Variants in HAUS2 observed in about 807,000 individuals in gnomAD.
HAUS2 encodes HAUS augmin-like complex subunit 2.
Under a neutral mutation model 21.6 loss-of-function variants are expected in HAUS2, and 20 were observed. The ratio of observed to expected loss-of-function variants is 0.93; its 90% CI spans 0.65 to 1.35. The LOEUF (loss-of-function observed/expected upper bound fraction) is 1.35, where lower values mean the gene tolerates loss of function less well. HAUS2 is among the 40% of genes most tolerant of loss of function. HAUS2 has a pLI of 0.00. For synonymous variants in HAUS2, 113 were observed against 95.6 expected (o/e 1.18, Z -1.06); for missense variants, 297 against 280.7 (o/e 1.06, Z -0.42).
At position 42,566,803 on chromosome 15, in the gene HAUS2, T is replaced by C. The variant is rs182320221; in HGVS notation, c.695T>C (p.Ile232Thr). The C allele has an allele frequency of 7.4e-6, 11 of 1,491,670 alleles. No homozygotes were observed. In the African/African-American group the frequency reaches 8.3e-5, roughly 11 times the overall value. 92.4% of individuals were successfully genotyped at this position (1,491,670 alleles called of 1,614,324 possible). A position where few individuals can be genotyped will look rare whatever the true frequency, so the allele number is the denominator to read the frequency against. Residue 232 changes from isoleucine to threonine, a missense_variant, in exon 6 of 6, where the codon ATT becomes ACT. Ile to Thr is a moderately conservative substitution (Grantham distance 89). Transcript: ENST00000260372. ...PFTSKVHVQT[I>T]NAK ...ACTTCTAAAGTTCATGTCCAAACTA[T>C]TAATGCCAAGTAGTCATCAACTTTA...
Position 42,548,864 on chromosome 15 carries a change from G to T in HAUS2, c.-9G>T. ...CTCTTGGCGCCTTCGCGGAAGGTGC[G>T]TCCGAGCCATGGCCGCTGCCAACCC... is the stretch of plus-strand genomic sequence containing the variant. On this transcript the variant is annotated 5_prime_UTR_variant, in exon 1 of 6. Transcript: ENST00000260372. 1 of 1,546,808 alleles carries T rather than the reference G, an allele frequency of 6.5e-7. No individual in the cohort carries two copies. The highest frequency in any genetic ancestry group is 8.7e-7 in the Non-Finnish European group (1 of 1,144,708).
In HAUS2 at chr15:42,556,623, G is replaced by A. The variant is rs1270611197; in HGVS notation, c.94-1575G>A. 2.0e-5 allele frequency among the ~76,000 whole-genome samples: 3 copies of A among 152,034 alleles called. No individual in the cohort carries two copies. In the East Asian group the frequency reaches 5.8e-4, roughly 29 times the overall value. On this transcript the variant is annotated intron_variant, in intron 1 of 5. Coordinates refer to ENST00000260372, the MANE Select transcript of HAUS2 (RefSeq NM_018097.3). Reference sequence around the variant, plus strand: ...AACAATTTGAAAATATAAAAACCATGCCTGGTTCACAGGCTGTACAAAAAC... The same window carrying A: ...AACAATTTGAAAATATAAAAACCATACCTGGTTCACAGGCTGTACAAAAAC...
intron 2 of HAUS2, among the ~76,000 whole-genome samples, chr15:42,559,067 A>G (rs775478081): frequency 3.2e-4 from 49 of 152,132 alleles, no homozygotes; most frequent in Non-Finnish European, 7.4e-5. Context: ...AGTTACAGTA[A>G]TAGTAGTAAG....
At chr15:42,555,783 A>G (rs955116639) in intron 1 of HAUS2, among the ~76,000 whole-genome samples, 3 of 152,180 alleles carry the variant, frequency 2.0e-5, no homozygotes, top group Admixed American at 2.0e-4. Flanking sequence ...AACTTTTACT[A>G]TGAAGAGCCA....
intron 1 of HAUS2, among the ~76,000 whole-genome samples, chr15:42,555,330 G>A (rs1252331349): frequency 1.3e-5 from 2 of 151,946 alleles, no homozygotes; most frequent in African/African-American, 4.8e-5. Context: ...GGGTCTCCCT[G>A]TGTTGTGCAG....
intron 4 of HAUS2, among the ~76,000 whole-genome samples, chr15:42,563,202 G>A (rs1460942539): frequency 2.0e-5 from 3 of 151,848 alleles, no homozygotes; most frequent in Admixed American, 2.0e-4. Flanking sequence ...GGATCACAAG[G>A]TCAGGAGATC....
rs1015337035 is a variant in HAUS2 at position 42,569,609 on chromosome 15, A to G, written c.*2793A>G. 4 of 152,110 alleles carry G rather than the reference A, an allele frequency of 2.6e-5. No homozygotes were observed. Among genetic ancestry groups the G allele is most frequent in the Non-Finnish European group, 4.4e-5 (3 of 68,008 alleles). The allele number at this position is 152,110 out of a possible 1,614,324, so 9.4% of individuals were successfully genotyped here. ...GGTGTTAGCCACTGCGCCTGGCCTC[A>G]TTGTACTCCTTAACACAAGAAGACT... On this transcript the variant is annotated 3_prime_UTR_variant, in exon 6 of 6. Coordinates refer to ENST00000260372, the MANE Select transcript of HAUS2 (RefSeq NM_018097.3).
intron 3 of HAUS2, among the ~76,000 whole-genome samples, chr15:42,559,874 T>C (rs2057830150): frequency 1.3e-5 from 2 of 152,096 alleles, no homozygotes. Flanking sequence ...AAAATGTTCT[T>C]GTGGCCAGGC....
chr15:42,557,299 G>C (rs1397316482), intron 1 of HAUS2, among the ~76,000 whole-genome samples: 2 of 75,426 alleles, frequency 2.7e-5, no homozygotes, highest in African/African-American at 4.3e-5. Flanking sequence ...CTGTGCGACA[G>C]AGTGAGACTC....
intron 1 of HAUS2, 80 bp from the exon 2 acceptor site, chr15:42,558,118 T>G (rs897470871): frequency 7.4e-6 from 5 of 673,712 alleles, no homozygotes; most frequent in Non-Finnish European, 1.3e-5. Context: ...TCTCATATTT[T>G]AGACTATGGG....
At chr15:42,564,284 A>G (rs191623900) in intron 5 of HAUS2, among the ~76,000 whole-genome samples, 1,536 of 151,690 alleles carry the variant, frequency 0.01, 14 homozygotes, top group African/African-American at 0.032. Flanking sequence ...AAAAAAAAAA[A>G]AAGAAGAAGA....
chr15:42,564,136 C>T (rs530038827), intron 5 of HAUS2, among the ~76,000 whole-genome samples: 2 of 151,690 alleles, frequency 1.3e-5, no homozygotes, highest in East Asian at 3.9e-4. Flanking sequence ...CATGGTGGTG[C>T]GTGCCTGTAA....
At position 42,569,763 on chromosome 15, in the gene HAUS2, A is replaced by G. The variant is rs1487929195; in HGVS notation, c.*2947A>G. On this transcript the variant is annotated 3_prime_UTR_variant, in exon 6 of 6. Coordinates refer to ENST00000260372, the MANE Select transcript of HAUS2 (RefSeq NM_018097.3). ...TGCTAGTAGGATAAGAGTGATCGTA[A>G]TATCTCGAACATTACATAGACACTT... 3.9e-5 allele frequency: 6 copies of G among 152,206 alleles called. No individual in the cohort carries two copies. Among genetic ancestry groups the G allele is most frequent in the Non-Finnish European group, 7.3e-5 (5 of 68,032 alleles). 9.4% of individuals were successfully genotyped at this position (152,206 alleles called of 1,614,324 possible). A position where few individuals can be genotyped will look rare whatever the true frequency, so the allele number is the denominator to read the frequency against.
chr15:42,559,132 G>A (rs1030446174), intron 2 of HAUS2, among the ~76,000 whole-genome samples: 1 of 150,662 alleles, frequency 6.6e-6, no homozygotes, highest in African/African-American at 2.4e-5. Context: ...AAATCCCCTG[G>A]ACTCTTTTTT....
In HAUS2 at chr15:42,554,030, C is replaced by T. The variant is rs190348366; in HGVS notation, c.94-4168C>T. On this transcript the variant is annotated intron_variant, in intron 1 of 5. Coordinates refer to ENST00000260372, the MANE Select transcript of HAUS2 (RefSeq NM_018097.3). ...ACTTCAGTGAATGGCATAACTCTGT[C>T]CACTCACCTGAAGCAAAATCCTTAG... Among the ~76,000 whole-genome samples the T allele has an allele frequency of 3.9e-5, 6 of 152,280 alleles. No homozygotes were observed. The East Asian group carries it at 9.6e-4, about 24-fold the overall frequency.
chr15:42,556,414 C>A (rs1244878529), intron 1 of HAUS2, among the ~76,000 whole-genome samples: 1 of 150,988 alleles, frequency 6.6e-6, no homozygotes, highest in Non-Finnish European at 1.5e-5. Flanking sequence ...CAGGTGTGCA[C>A]CACTCCTGCC....
intron 1 of HAUS2, among the ~76,000 whole-genome samples, chr15:42,553,571 T>A (rs78407509): frequency 0.03 from 4,591 of 152,182 alleles, 228 homozygotes; most frequent in African/African-American, 0.1. Context: ...CCTCCCTAAG[T>A]GCAGGGATTA....
In HAUS2 at chr15:42,566,924, C is replaced by G. The variant is rs2057912867; in HGVS notation, c.*108C>G. 1 of 616,548 alleles carries G rather than the reference C, an allele frequency of 1.6e-6. No individual in the cohort carries two copies. The highest frequency in any genetic ancestry group is 2.9e-6 in the Non-Finnish European group (1 of 346,810). The allele number at this position is 616,548 out of a possible 1,614,324, so 38.2% of individuals were successfully genotyped here. ...TTGCTGCTGGTAATACTGAAAGAACCTGCTTTATATTGGAGTATCAAGATC... is the reference window on the plus strand; with the variant it reads ...TTGCTGCTGGTAATACTGAAAGAACGTGCTTTATATTGGAGTATCAAGATC... On this transcript the variant is annotated 3_prime_UTR_variant, in exon 6 of 6. Transcript: ENST00000260372.
In HAUS2 at chr15:42,569,088, A is replaced by G. The variant is rs983360079; in HGVS notation, c.*2272A>G. ...AAGGCACACTGTGGTATAACTTTGGAGGTTTACCTTGCAAAATGCTCAGAT... is the reference window on the plus strand; with the variant it reads ...AAGGCACACTGTGGTATAACTTTGGGGGTTTACCTTGCAAAATGCTCAGAT... On this transcript the variant is annotated 3_prime_UTR_variant, in exon 6 of 6. Transcript: ENST00000260372. 2.0e-5 allele frequency: 3 copies of G among 152,296 alleles called. No homozygotes were observed. Among genetic ancestry groups the G allele is most frequent in the South Asian group, 2.1e-4 (1 of 4,832 alleles). 9.4% of individuals were successfully genotyped at this position (152,296 alleles called of 1,614,324 possible). A position where few individuals can be genotyped will look rare whatever the true frequency, so the allele number is the denominator to read the frequency against.
Sources: allele counts gnomAD v4.1 joint callset (sites outside exome capture counted in the v4.1 genomes callset), GRCh38; gene constraint gnomAD v4.1.1; transcripts MANE v1.5; gene names NCBI Gene and HGNC (gene_info 2026-07-23, HGNC 2026-07-21).